NAA60: variants seen among roughly 807,000 people sequenced by gnomAD.
The protein encoded by NAA60 is N-alpha-acetyltransferase 60, NatF catalytic subunit.
In NAA60, 8 loss-of-function variants were observed where a neutral mutation model predicts 26.1. The observed-to-expected ratio is 0.31, with a 90% CI of 0.18 to 0.55. The LOEUF (loss-of-function observed/expected upper bound fraction) is 0.55. Ranked by LOEUF, NAA60 falls within the 20% of genes least tolerant of loss-of-function variation. The pLI is 0.93. For synonymous variants in NAA60, 131 were observed against 122.5 expected (o/e 1.07, Z -0.46); for missense variants, 290 against 311.3 (o/e 0.93, Z 0.51).
chr16:3,472,641 G>A (rs755611328), intron 2 of NAA60, among the ~76,000 whole-genome samples: 1 of 152,128 alleles, frequency 6.6e-6, no homozygotes, highest in Non-Finnish European at 1.5e-5. Flanking sequence ...CACCATCTTG[G>A]CCAGGCTGGT....
chr16:3,469,224 C>T (rs1369932243), intron 2 of NAA60, among the ~76,000 whole-genome samples: 1 of 152,256 alleles, frequency 6.6e-6, no homozygotes, highest in East Asian at 1.9e-4. Context: ...CTTTAGTGCT[C>T]TATCCCCCCA....
chr16:3,469,713 A>C (rs2036005020), intron 2 of NAA60, among the ~76,000 whole-genome samples: 1 of 152,172 alleles, frequency 6.6e-6, no homozygotes, highest in African/African-American at 2.4e-5. Context: ...CCCTGTTATC[A>C]GCACTCTTGT....
At chr16:3,461,761 A>G (rs996925856) in intron 2 of NAA60, among the ~76,000 whole-genome samples, 1 of 152,224 alleles carries the variant, frequency 6.6e-6, no homozygotes, top group African/African-American at 2.4e-5. Flanking sequence ...TTGCTTCCAC[A>G]GAAAAACAAA....
intron 2 of NAA60, chr16:3,462,737 C>A (rs1354917505): frequency 6.6e-6 from 1 of 152,076 alleles, no homozygotes; most frequent in African/African-American, 2.4e-5. Flanking sequence ...CACAAGAAAC[C>A]ACTAATAGTA....
At chr16:3,449,773 GGCA>G (rs2034700856) in intron 2 of NAA60, among the ~76,000 whole-genome samples, 1 of 152,000 alleles carries the variant, frequency 6.6e-6, no homozygotes, top group African/African-American at 2.4e-5. Context: ...TGAATCGTGG[GGCA>G]GGTCTTTCCC....
chr16:3,486,016 G>C lies in NAA60; in HGVS notation c.*756G>C, dbSNP rs1023942256. Reference sequence around the variant, plus strand: ...CATTCAGCTGACCTGCTGAGGACAGGCATCGCCGAGACTCCTTGGGTCCTC... The same window carrying C: ...CATTCAGCTGACCTGCTGAGGACAGCCATCGCCGAGACTCCTTGGGTCCTC... On this transcript the variant is annotated 3_prime_UTR_variant, in exon 8 of 8. Coordinates refer to ENST00000407558, the MANE Select transcript of NAA60 (RefSeq NM_001083601.3). The C allele has an allele frequency of 4.1e-6, 1 of 244,012 alleles. No individual in the cohort carries two copies. The highest frequency in any genetic ancestry group is 2.3e-5 in the African/African-American group (1 of 43,648). 15.1% of individuals were successfully genotyped at this position (244,012 alleles called of 1,614,324 possible).
chr16:3,484,612 C>G, intron 6 of NAA60, 87 bp from the exon 7 acceptor site: 2 of 1,501,642 alleles, frequency 1.3e-6, no homozygotes, highest in Non-Finnish European at 9.0e-7. Context: ...TGCACACAGT[C>G]CCACAGGCCA....
intron 2 of NAA60, chr16:3,472,055 G>C (rs1268344679): frequency 1.3e-5 from 2 of 152,334 alleles, no homozygotes; most frequent in East Asian, 3.9e-4. Flanking sequence ...AGCTGGCTTC[G>C]TAAAAACACA....
intron 6 of NAA60, chr16:3,484,497 C>T: frequency 1.5e-6 from 1 of 652,596 alleles, no homozygotes; most frequent in Non-Finnish European, 2.6e-6. Context: ...TCCCCAGACC[C>T]CACCCTCTGT....
At chr16:3,463,818 C>T (rs1277906639) in intron 2 of NAA60, among the ~76,000 whole-genome samples, 2 of 152,040 alleles carry the variant, frequency 1.3e-5, no homozygotes, top group East Asian at 3.9e-4. Flanking sequence ...CCAGCTTGGG[C>T]AACATAGTGA....
intron 1 of NAA60, among the ~76,000 whole-genome samples, chr16:3,445,408 G>C (rs1596274721): frequency 6.6e-6 from 1 of 151,644 alleles, no homozygotes; most frequent in African/African-American, 2.4e-5. Context: ...TGAGTAGCTG[G>C]GACTACAGGT....
intron 2 of NAA60, chr16:3,458,097 G>A (rs1268821189): frequency 1.0e-6 from 1 of 985,290 alleles, no homozygotes; most frequent in African/African-American, 1.7e-5. Context: ...TGCGGGCTCC[G>A]CGCGGTCCCA....
intron 5 of NAA60, among the ~76,000 whole-genome samples, chr16:3,483,144 C>T (rs114376589): frequency 1.3e-5 from 2 of 152,236 alleles, no homozygotes; most frequent in Admixed American, 6.5e-5. Flanking sequence ...GAGGGCGCTA[C>T]CAGGCCACCT....
intron 2 of NAA60, among the ~76,000 whole-genome samples, chr16:3,471,941 T>G (rs561587044): frequency 6.6e-6 from 1 of 152,210 alleles, no homozygotes; most frequent in Admixed American, 6.5e-5. Context: ...GTCGATGTTG[T>G]GGGGTTAGTG....
chr16:3,443,791 A>C lies in NAA60; in HGVS notation c.-123A>C. The stretch of plus-strand genomic sequence containing the variant: ...AATGTTTCCGAGAAGAAGGACAGAA[A>C]GAAGACTGGGAGACACCGGAACTCG... On this transcript the variant is annotated 5_prime_UTR_variant, in exon 1 of 8. Transcript: ENST00000407558. The C allele has an allele frequency of 6.5e-7, 1 of 1,534,908 alleles. No individual in the cohort carries two copies. The highest frequency in any genetic ancestry group is 1.2e-5 in the South Asian group (1 of 83,992).
rs780614402 is a variant in NAA60 at position 3,483,450 on chromosome 16, CCAA to C, written c.431_433del (p.Asn144del). ...GCCATTTACCTGCATGTCCTCACCA[CCAA>C]CAACACAGCAATAAACTTCTATGAA... On this transcript the variant is annotated inframe_deletion, in exon 6 of 8. Transcript: ENST00000407558. The C allele has an allele frequency of 1.2e-6, 2 of 1,613,922 alleles. No individual in the cohort carries two copies. Among genetic ancestry groups the C allele is most frequent in the Non-Finnish European group, 1.7e-6 (2 of 1,179,904 alleles).
In NAA60 at chr16:3,444,006, C is replaced by T. The variant is rs369691666; in HGVS notation, c.-77+169C>T. On this transcript the variant is annotated intron_variant, in intron 1 of 7. Transcript: ENST00000407558. Reference sequence around the variant, plus strand: ...GGAGTATCTTTGTGTACGTTCACAACGTTCACATCGGTGTAGGCCAGGTTG... The same window carrying T: ...GGAGTATCTTTGTGTACGTTCACAATGTTCACATCGGTGTAGGCCAGGTTG... 14 of 1,295,428 alleles carry T rather than the reference C, an allele frequency of 1.1e-5. No homozygotes were observed. The South Asian group carries it at 1.7e-4, about 16-fold the overall frequency. 80.2% of individuals were successfully genotyped at this position (1,295,428 alleles called of 1,614,324 possible).
chr16:3,455,492 T>A (rs1461182920), intron 2 of NAA60, among the ~76,000 whole-genome samples: 4 of 150,536 alleles, frequency 2.7e-5, no homozygotes, highest in East Asian at 2.0e-4. Context: ...CCTCCTGGGT[T>A]CACGCCATTC....
chr16:3,469,918 A>G (rs1480249448), intron 2 of NAA60, among the ~76,000 whole-genome samples: 4 of 152,266 alleles, frequency 2.6e-5, no homozygotes, highest in Admixed American at 6.5e-5. Flanking sequence ...CCTCAGCTCC[A>G]TACCTGCCGC....
Sources: gnomAD v4.1 joint callset for allele counts (sites outside exome capture counted in the v4.1 genomes callset) on GRCh38, gnomAD v4.1.1 for gene constraint, MANE v1.5 for transcripts, NCBI Gene and HGNC (gene_info 2026-07-23, HGNC 2026-07-21) for gene names.